EMCN: variants seen among roughly 807,000 people sequenced by gnomAD.
EMCN encodes the protein endomucin, also known as MUC-14.
A neutral mutation model predicts 38.4 loss-of-function variants in EMCN; 37 were observed. The observed-to-expected ratio is 0.96, with a 90% CI of 0.74 to 1.27. The LOEUF (loss-of-function observed/expected upper bound fraction) is 1.27, where lower values mean the gene tolerates loss of function less well. Ranked by LOEUF, EMCN falls within the 50% of genes most tolerant of loss-of-function variation. EMCN has a pLI of 0.00. For synonymous variants in EMCN, 95 were observed against 100.8 expected (o/e 0.94, Z 0.35); for missense variants, 318 against 302.8 (o/e 1.05, Z -0.37).
At chr4:100,447,621 T>G (rs532185000) in intron 4 of EMCN, 50 bp from the exon 5 acceptor site, 1 of 1,157,118 alleles carries the variant, frequency 8.6e-7, no homozygotes, top group African/African-American at 1.5e-5. Flanking sequence ...ATGTTGAATA[T>G]CAGATCTATT....
rs1041572139 is a variant in EMCN at position 100,410,333 on chromosome 4, T to C, written c.774A>G (p.Lys258=). The change falls in exon 11 of 12, where the codon AAA becomes AAG. Residue 258 remains lysine, a synonymous_variant. Coordinates refer to ENST00000296420, the MANE Select transcript of EMCN (RefSeq NM_016242.4). ...HESGEHSAQG[K]TKN is the part of the protein sequence containing the mutation. ...ATTCCTCAAGCTGTCAGTTCTTGGTTTTTCCTTGTGCAGAGTGCTCACCTG... is the reference window on the plus strand; with the variant it reads ...ATTCCTCAAGCTGTCAGTTCTTGGTCTTTCCTTGTGCAGAGTGCTCACCTG... 1 of 1,613,872 alleles carries C rather than the reference T, an allele frequency of 6.2e-7. No homozygotes were observed. Among genetic ancestry groups the C allele is most frequent in the Admixed American group, 1.7e-5 (1 of 60,014 alleles).
chr4:100,504,832 C>T (rs1463402615), intron 1 of EMCN, among the ~76,000 whole-genome samples: 2 of 152,216 alleles, frequency 1.3e-5, no homozygotes, highest in Admixed American at 6.5e-5. Context: ...TCCTCCACCT[C>T]TTGTGGAGGG....
chr4:100,504,657 G>A (rs891032339), intron 1 of EMCN, among the ~76,000 whole-genome samples: 1 of 152,230 alleles, frequency 6.6e-6, no homozygotes, highest in Non-Finnish European at 1.5e-5. Context: ...CAGGGCCACC[G>A]GAGGGCTCCT....
chr4:100,479,828 TC>T (rs1728758695), intron 2 of EMCN, 88 bp downstream of exon 2: 6 of 1,068,114 alleles, frequency 5.6e-6, no homozygotes, highest in Non-Finnish European at 7.8e-6. Flanking sequence ...AGATATAAGA[TC>T]CCGAATTATT....
chr4:100,406,634 A>G (rs1726399869), intron 11 of EMCN, among the ~76,000 whole-genome samples: 1 of 152,036 alleles, frequency 6.6e-6, no homozygotes, highest in African/African-American at 2.4e-5. Flanking sequence ...GAAATTATTG[A>G]GAATTTCTGG....
rs556460547 is a variant in EMCN, at chr4:100,436,835, G to C, written c.415+10698C>G. ...ATAAGAACACATGGACACATGGGGC[G>C]GGGGACAACACACACTGGGGCCTAT... On this transcript the variant is annotated intron_variant, in intron 5 of 11. Coordinates refer to ENST00000296420, the MANE Select transcript of EMCN (RefSeq NM_016242.4). 2.4e-4 allele frequency among the ~76,000 whole-genome samples: 37 copies of C among 152,124 alleles called. 1 individual carries two copies. The highest frequency in any genetic ancestry group is 3.2e-3 in the Middle Eastern group (1 of 316).
intron 1 of EMCN, among the ~76,000 whole-genome samples, chr4:100,494,932 A>G (rs932465616): frequency 2.6e-5 from 4 of 151,988 alleles, no homozygotes; most frequent in African/African-American, 9.7e-5. Context: ...ACCTACCAAG[A>G]TTTTAATTAA....
chr4:100,507,933 A>C (rs190423775), intron 1 of EMCN, among the ~76,000 whole-genome samples: 1 of 152,316 alleles, frequency 6.6e-6, no homozygotes, highest in East Asian at 1.9e-4. Context: ...GGCCTTTTAC[A>C]TGCAAAGTGG....
intron 8 of EMCN, among the ~76,000 whole-genome samples, chr4:100,418,859 A>G (rs767903117): frequency 3.3e-5 from 5 of 152,096 alleles, no homozygotes; most frequent in Non-Finnish European, 7.4e-5. Context: ...GTGGGACTGC[A>G]GGTATTTCTT....
At position 100,415,977 on chromosome 4, in the gene EMCN, C is replaced by G. The variant is rs1726718265; in HGVS notation, c.690-18G>C. On this transcript the variant is annotated intron_variant, in intron 9 of 11. Transcript: ENST00000296420. ...ACTGAGGTCTATTTGAAAAAAAAAA[C>G]ATGAAATTAACACCACAGTAATCAG... 1 of 1,513,842 alleles carries G rather than the reference C, an allele frequency of 6.6e-7. No homozygotes were observed. The highest frequency in any genetic ancestry group is 1.2e-5 in the South Asian group (1 of 82,458). 93.8% of individuals were successfully genotyped at this position (1,513,842 alleles called of 1,614,324 possible). A position where few individuals can be genotyped will look rare whatever the true frequency, so the allele number is the denominator to read the frequency against.
Position 100,447,547 on chromosome 4 carries a change from G to T in EMCN, c.401C>A (p.Thr134Lys). ...PKTETQSSIK[T>K]TEIPGSVLQP... is the part of the protein sequence containing the mutation. ...AAAGAGCTTACCTGGTATTTCTGTT[G>T]TTTTAATTGAACTCTGAGTTTCAGC... Residue 134 changes from threonine (T) to lysine (K), a missense_variant, in exon 5 of 12, where the codon ACA (threonine) becomes AAA (lysine). By Grantham distance (78) the Thr-to-Lys change is moderately conservative. Transcript: ENST00000296420. 6.2e-7 allele frequency: 1 copy of T among 1,602,262 alleles called. No homozygotes were observed.
Position 100,434,585 on chromosome 4 carries a change from C to T in EMCN, c.416-11181G>A, listed in dbSNP as rs111925310. Among the ~76,000 whole-genome samples, 328 of 152,126 alleles carry T rather than the reference C, an allele frequency of 2.2e-3. 2 individuals carry two copies. The highest frequency in any genetic ancestry group is 7.6e-3 in the African/African-American group (314 of 41,534). ...GAGATACAACAAAAATATAAAACCT[C>T]GGGCCAATATCTCTGATGAACATCA... is the stretch of plus-strand genomic sequence containing the variant. On this transcript the variant is annotated intron_variant, in intron 5 of 11. Coordinates refer to ENST00000296420, the MANE Select transcript of EMCN (RefSeq NM_016242.4).
chr4:100,398,141 A>C lies in EMCN; in HGVS notation c.*272T>G, dbSNP rs1460459021. 6.6e-6 allele frequency: 1 copy of C among 152,020 alleles called. No individual in the cohort carries two copies. The highest frequency in any genetic ancestry group is 2.4e-5 in the African/African-American group (1 of 41,398). 9.4% of individuals were successfully genotyped at this position (152,020 alleles called of 1,614,324 possible). A position where few individuals can be genotyped will look rare whatever the true frequency, so the allele number is the denominator to read the frequency against. The stretch of plus-strand genomic sequence containing the variant: ...CACTGCTCACAAATTCTCCTCCTAA[A>C]ATTCCTTTTCCTAGGAACGCTCCTG... On this transcript the variant is annotated 3_prime_UTR_variant, in exon 12 of 12. Coordinates refer to ENST00000296420, the MANE Select transcript of EMCN (RefSeq NM_016242.4).
At chr4:100,513,078 A>T (rs914644577) in intron 1 of EMCN, among the ~76,000 whole-genome samples, 3 of 152,142 alleles carry the variant, frequency 2.0e-5, no homozygotes, top group African/African-American at 7.2e-5. Flanking sequence ...AGTTGTCTGG[A>T]TAACTACAAT....
rs1394016540 is a variant in EMCN at position 100,486,864 on chromosome 4, G to C, written c.65-6825C>G. The C allele has an allele frequency of 8.1e-6, 8 of 985,300 alleles. No homozygotes were observed. In the African/African-American group the frequency reaches 1.4e-4, roughly 17 times the overall value. 61.0% of individuals were successfully genotyped at this position (985,300 alleles called of 1,614,324 possible). A position where few individuals can be genotyped will look rare whatever the true frequency, so the allele number is the denominator to read the frequency against. On this transcript the variant is annotated intron_variant, in intron 1 of 11. Coordinates refer to ENST00000296420, the MANE Select transcript of EMCN (RefSeq NM_016242.4). ...AAGGTAAATTGCCTACACTCACCCAGGTGTCTTGTTCAAAAGTACGGGGCC... is the reference window on the plus strand; with the variant it reads ...AAGGTAAATTGCCTACACTCACCCACGTGTCTTGTTCAAAAGTACGGGGCC...
intron 1 of EMCN, among the ~76,000 whole-genome samples, chr4:100,485,598 A>T (rs1323740210): frequency 1.1e-4 from 17 of 151,466 alleles, no homozygotes; most frequent in Admixed American, 6.6e-4. Context: ...TATATAAAAT[A>T]TATACATAAA....
chr4:100,401,769 C>T (rs994228868), intron 11 of EMCN, among the ~76,000 whole-genome samples: 3 of 152,042 alleles, frequency 2.0e-5, no homozygotes, highest in Non-Finnish European at 4.4e-5. Context: ...TCCAAGCTAC[C>T]GGACTTTCTA....
chr4:100,440,169 G>A (rs1171654370), intron 5 of EMCN, among the ~76,000 whole-genome samples: 1 of 152,010 alleles, frequency 6.6e-6, no homozygotes, highest in Non-Finnish European at 1.5e-5. Flanking sequence ...TTCAAGTCTA[G>A]TATTTCTTTT....
Position 100,448,828 on chromosome 4 carries a change from C to T in EMCN, c.377-1257G>A, listed in dbSNP as rs552488273. On this transcript the variant is annotated intron_variant, in intron 4 of 11. Coordinates refer to ENST00000296420, the MANE Select transcript of EMCN (RefSeq NM_016242.4). The stretch of plus-strand genomic sequence containing the variant: ...CCTTCCTTCCTTCCTTCCTTCCTCC[C>T]TCCCTCCCTCCCTCCCTTCCTTGCT... 8.4e-3 allele frequency among the ~76,000 whole-genome samples: 1,210 copies of T among 143,478 alleles called. 71 individuals are homozygous for T. The highest frequency in any genetic ancestry group is 0.029 in the African/African-American group (1,117 of 37,996). 94.1% of individuals were successfully genotyped at this position (143,478 alleles called of 152,430 possible).
Sources: gnomAD v4.1 joint callset for allele counts (sites outside exome capture counted in the v4.1 genomes callset) on GRCh38, gnomAD v4.1.1 for gene constraint, MANE v1.5 for transcripts, NCBI Gene and HGNC (gene_info 2026-07-23, HGNC 2026-07-21) for gene names.